Variants in DNAI1 observed in about 807,000 individuals in gnomAD.
The protein encoded by DNAI1 is dynein axonemal intermediate chain 1.
DNAI1 carries 67 observed loss-of-function variants against 92.0 expected under a neutral mutation model. The observed-to-expected ratio is 0.73, with a 90% CI of 0.60 to 0.89. The LOEUF is 0.89. Among genes scored for constraint, DNAI1 ranks in the 40% least tolerant of loss-of-function variants. The probability of loss-of-function intolerance (pLI) is 0.00; values close to 1 mark genes in which losing one functional copy is unlikely to be tolerated. For synonymous variants in DNAI1, 323 were observed against 319.6 expected (o/e 1.01, Z -0.11); for missense variants, 839 against 866.6 (o/e 0.97, Z 0.40).
At chr9:34,504,961 A>T (rs1564038691) in intron 12 of DNAI1, among the ~76,000 whole-genome samples, 1 of 152,002 alleles carries the variant, frequency 6.6e-6, no homozygotes, top group Non-Finnish European at 1.5e-5. Context: ...CATCCAGCTG[A>T]CTTCTAGAGG....
chr9:34,487,467 G>A (rs546181720), intron 4 of DNAI1, among the ~76,000 whole-genome samples: 1 of 152,264 alleles, frequency 6.6e-6, no homozygotes, highest in East Asian at 1.9e-4. Context: ...TTACAGGCAT[G>A]AGCCACTGCG....
intron 8 of DNAI1, among the ~76,000 whole-genome samples, chr9:34,492,493 G>GAGAGATATATATATATATATAT (rs1271867592): frequency 1.5e-5 from 1 of 68,268 alleles, no homozygotes; most frequent in Admixed American, 1.7e-4. Flanking sequence ...GGGATATGAA[G>GAGAGATATATATATATATATAT]ATATATATAT....
chr9:34,502,407 C>T (rs55960722), intron 12 of DNAI1, among the ~76,000 whole-genome samples: 3,548 of 152,162 alleles, frequency 0.023, 61 homozygotes, highest in Non-Finnish European at 0.036. Context: ...GCAGGCCCTC[C>T]CAGGAGTGGG....
intron 1 of DNAI1, among the ~76,000 whole-genome samples, chr9:34,474,352 A>G (rs997356170): frequency 6.7e-6 from 1 of 149,980 alleles, no homozygotes; most frequent in African/African-American, 2.5e-5. Context: ...CTCCCACCTC[A>G]CCCTTCTGAG....
intron 3 of DNAI1, 26 bp from the exon 4 acceptor site, chr9:34,485,411 A>T: frequency 6.2e-7 from 1 of 1,613,224 alleles, no homozygotes; most frequent in Non-Finnish European, 8.5e-7. Flanking sequence ...TTCATGTATG[A>T]CCCTCTTGGT....
intron 5 of DNAI1, among the ~76,000 whole-genome samples, 189 bp downstream of exon 5, chr9:34,489,638 A>G (rs1360041826): frequency 2.0e-5 from 3 of 152,126 alleles, no homozygotes; most frequent in Non-Finnish European, 4.4e-5. Flanking sequence ...TCATGAGGTC[A>G]GGAGATCGAG....
rs1313126727 is a variant in DNAI1, at chr9:34,506,551, G to C, written c.1064-76G>C. 3.7e-6 allele frequency: 6 copies of C among 1,603,794 alleles called. No homozygotes were observed. The East Asian group carries it at 6.7e-5, about 18-fold the overall frequency. On this transcript the variant is annotated intron_variant, in intron 12 of 19. Transcript: ENST00000242317. Reference sequence around the variant, plus strand: ...GCAGGGCAGGGCTTGCCCACCTAGTGGGGTAGGGGTGAGGGGGCTTCTCCA... The same window carrying C: ...GCAGGGCAGGGCTTGCCCACCTAGTCGGGTAGGGGTGAGGGGGCTTCTCCA...
In DNAI1 at chr9:34,490,374, T is replaced by A; in HGVS notation, c.507T>A (p.Ala169=). 1 of 1,614,114 alleles carries A rather than the reference T, an allele frequency of 6.2e-7. No individual in the cohort carries two copies. The highest frequency in any genetic ancestry group is 8.5e-7 in the Non-Finnish European group (1 of 1,180,036). Residue 169 remains alanine (A), a synonymous_variant, in exon 7 of 20, where the codon GCT becomes GCA. Coordinates refer to ENST00000242317, the MANE Select transcript of DNAI1 (RefSeq NM_012144.4). ...CTCTGGGTCTTTATTTTCAGGCAGC[T>A]GAAAAAGTGACTGAAGAAGAATTGA... is the stretch of plus-strand genomic sequence containing the variant. ...SQTDVPAAGA[A]EKVTEEELMT...
chr9:34,506,679 C>T lies in DNAI1; in HGVS notation c.1116C>T (p.Asn372=). The T allele has an allele frequency of 1.9e-6, 3 of 1,614,220 alleles. No homozygotes were observed. Among genetic ancestry groups the T allele is most frequent in the Non-Finnish European group, 2.5e-6 (3 of 1,180,042 alleles). ...TGCTGCTGCTCTACAGCCTGAAGAACCCCAGCTTCCCTGAGTACATGTTCA... is the reference window on the plus strand; with the variant it reads ...TGCTGCTGCTCTACAGCCTGAAGAATCCCAGCTTCCCTGAGTACATGTTCA... ...RGMLLLYSLK[N]PSFPEYMFSS... The change falls in exon 13 of 20, where the codon AAC becomes AAT. Residue 372 remains asparagine, a synonymous_variant. Coordinates refer to ENST00000242317, the MANE Select transcript of DNAI1 (RefSeq NM_012144.4).
chr9:34,514,924 T>C (rs1825145638), intron 18 of DNAI1, among the ~76,000 whole-genome samples, 185 bp downstream of exon 18: 1 of 152,160 alleles, frequency 6.6e-6, no homozygotes, highest in Non-Finnish European at 1.5e-5. Flanking sequence ...ATTCATCCCA[T>C]GAGGCTTCAG....
Position 34,500,853 on chromosome 9 carries a change from TTGCAGCAAA to T in DNAI1, c.1019+20_1019+28del, listed in dbSNP as rs747475785. ...TGCCCTCTGCTGGTAAGTATAGGCA[TTGCAGCAAA>T]TGCAGAGCCCCTGAGTGCCCTCTAC... On this transcript the variant is annotated intron_variant, in intron 11 of 19. Transcript: ENST00000242317. 21 of 1,600,762 alleles carry T rather than the reference TTGCAGCAAA, an allele frequency of 1.3e-5. No individual in the cohort carries two copies. Among genetic ancestry groups the T allele is most frequent in the Non-Finnish European group, 1.7e-5 (20 of 1,168,128 alleles).
At chr9:34,472,312 C>A (rs553180736) in intron 1 of DNAI1, among the ~76,000 whole-genome samples, 1 of 152,328 alleles carries the variant, frequency 6.6e-6, no homozygotes, top group African/African-American at 2.4e-5. Context: ...ACGCCTTGCT[C>A]AACGTCTTAC....
At chr9:34,512,264 GC>G in intron 14 of DNAI1, 66 bp downstream of exon 14, 1 of 1,610,416 alleles carries the variant, frequency 6.2e-7, no homozygotes, top group South Asian at 1.1e-5. Flanking sequence ...ATGGCAAAGG[GC>G]AACCCCCAGC....
At chr9:34,467,626 C>T (rs1824062477) in intron 1 of DNAI1, among the ~76,000 whole-genome samples, 1 of 151,624 alleles carries the variant, frequency 6.6e-6, no homozygotes, top group South Asian at 2.1e-4. Flanking sequence ...AGAGTGAGAA[C>T]CTGTCTCTAA....
rs190391214 is a variant in DNAI1, at chr9:34,459,706, G to A, written c.48+653G>A. ...AGCGATCCTCCTACCTTGACCTTCC[G>A]AAGTGCTGGGATTACAGGCGTGAGC... On this transcript the variant is annotated intron_variant, in intron 1 of 19. Transcript: ENST00000242317. Among the ~76,000 whole-genome samples the A allele has an allele frequency of 6.7e-4, 102 of 152,216 alleles. 1 individual carries two copies. In the East Asian group the frequency reaches 0.011, roughly 16 times the overall value.
In DNAI1 at chr9:34,485,123, A is replaced by T; in HGVS notation, c.82-19A>T. 6.2e-7 allele frequency: 1 copy of T among 1,613,566 alleles called. No homozygotes were observed. The highest frequency in any genetic ancestry group is 8.5e-7 in the Non-Finnish European group (1 of 1,179,484). On this transcript the variant is annotated intron_variant, in intron 2 of 19. Transcript: ENST00000242317. ...AGCAGAAAAGACACTCCCAAGCCTC[A>T]TGTGAGGTTTTTGTCTAGGATGAAG...
Position 34,489,329 on chromosome 9 carries a change from A to T in DNAI1, c.268A>T (p.Thr90Ser). ...TCAGCCCCTCTCTTCTTAGGAAGGCACATATAAGCCTATTGGCTTTGTGAA... is the reference window on the plus strand; with the variant it reads ...TCAGCCCCTCTCTTCTTAGGAAGGCTCATATAAGCCTATTGGCTTTGTGAA... ...NIVRYSFKEGTYKPIGFVNQL... is the reference protein window; with the variant it reads ...NIVRYSFKEGSYKPIGFVNQL... The change falls in exon 5 of 20, where the codon ACA becomes TCA. Residue 90 changes from threonine to serine, a missense_variant. Transcript: ENST00000242317. 3 of 1,614,068 alleles carry T rather than the reference A, an allele frequency of 1.9e-6. No individual in the cohort carries two copies. The highest frequency in any genetic ancestry group is 1.7e-6 in the Non-Finnish European group (2 of 1,179,954).
intron 19 of DNAI1, among the ~76,000 whole-genome samples, chr9:34,517,794 G>A (rs952507394): frequency 3.9e-5 from 6 of 152,222 alleles, no homozygotes; most frequent in South Asian, 4.1e-4. Flanking sequence ...GGTAGGACAG[G>A]TCACCCAGGC....
chr9:34,482,713 C>T (rs977677155), intron 1 of DNAI1, among the ~76,000 whole-genome samples: 4 of 152,276 alleles, frequency 2.6e-5, no homozygotes, highest in Non-Finnish European at 5.9e-5. Context: ...TAGTGGATCC[C>T]CCACCGGGGC....
Sources: allele counts gnomAD v4.1 joint callset (sites outside exome capture counted in the v4.1 genomes callset), GRCh38; gene constraint gnomAD v4.1.1; transcripts MANE v1.5; gene names NCBI Gene and HGNC (gene_info 2026-07-23, HGNC 2026-07-21).